Variants in GALNT13 observed in about 807,000 individuals in gnomAD.
The protein encoded by GALNT13 is polypeptide N-acetylgalactosaminyltransferase 13, also known as UDP-GalNAc:polypeptide N-acetylgalactosaminyltransferase 13.
A neutral mutation model predicts 64.2 loss-of-function variants in GALNT13; 28 were observed. The ratio of observed to expected loss-of-function variants is 0.44; its 90% CI spans 0.32 to 0.60. GALNT13 has a LOEUF of 0.60. GALNT13 is among the 20% of genes least tolerant of loss of function. GALNT13 has a pLI of 0.05. For missense variants in GALNT13, 577 were observed against 669.8 expected, an observed-to-expected ratio of 0.86 and a Z score of 1.53; for synonymous variants, 214 against 224.6, an observed-to-expected ratio of 0.95 and a Z score of 0.42.
the GALNT13 span, among the ~76,000 whole-genome samples, chr2:153,139,229 C>T: frequency 6.6e-6 from 1 of 152,022 alleles, no homozygotes; most frequent in Non-Finnish European, 1.5e-5. Flanking sequence ...CTGTTAGCCC[C>T]TAGAATATAA....
chr2:154,247,973 A>G (rs1689869348), intron 7 of GALNT13, among the ~76,000 whole-genome samples: 1 of 152,126 alleles, frequency 6.6e-6, no homozygotes, highest in Non-Finnish European at 1.5e-5. Context: ...CTATTGCTTG[A>G]AGATGTGATC....
chr2:154,142,965 A>C (rs1366222655), intron 4 of GALNT13, among the ~76,000 whole-genome samples: 2 of 152,254 alleles, frequency 1.3e-5, no homozygotes, highest in Non-Finnish European at 2.9e-5. Flanking sequence ...CTAAGTTTAT[A>C]ATGTTTAAAC....
At chr2:153,973,862 T>C (rs1209343480) in intron 3 of GALNT13, among the ~76,000 whole-genome samples, 2 of 152,036 alleles carry the variant, frequency 1.3e-5, no homozygotes, top group Non-Finnish European at 2.9e-5. Flanking sequence ...GATCTTGTCT[T>C]ACCAAGTGAA....
At chr2:153,644,905 T>C in the GALNT13 span, among the ~76,000 whole-genome samples, 2 of 152,162 alleles carry the variant, frequency 1.3e-5, no homozygotes, top group Non-Finnish European at 2.9e-5. Flanking sequence ...AATATGTCTA[T>C]GGGACAAAAT....
At chr2:154,197,165 G>A (rs1462875297) in intron 4 of GALNT13, among the ~76,000 whole-genome samples, 1 of 151,842 alleles carries the variant, frequency 6.6e-6, no homozygotes, top group African/African-American at 2.4e-5. Flanking sequence ...GCGGTGAGCC[G>A]AGATCACGTC....
At chr2:153,620,719 A>C in the GALNT13 span, among the ~76,000 whole-genome samples, 45 of 152,080 alleles carry the variant, frequency 3.0e-4, 1 homozygote, top group Admixed American at 3.0e-3. Flanking sequence ...TTTAAATTCT[A>C]TGAAAAGTCC....
chr2:153,637,298 G>T, the GALNT13 span, among the ~76,000 whole-genome samples: 4 of 152,102 alleles, frequency 2.6e-5, no homozygotes, highest in African/African-American at 9.7e-5. Context: ...CTGGAAGGAA[G>T]CAAAAGATAC....
intron 1 of GALNT13, among the ~76,000 whole-genome samples, chr2:153,891,735 T>C (rs1297958236): frequency 6.6e-6 from 1 of 152,130 alleles, no homozygotes; most frequent in Non-Finnish European, 1.5e-5. Flanking sequence ...AATGAGCATG[T>C]AACTCCTGGG....
intron 8 of GALNT13, among the ~76,000 whole-genome samples, chr2:154,300,404 GA>G (rs1296403480): frequency 2.0e-5 from 3 of 151,968 alleles, no homozygotes; most frequent in Non-Finnish European, 4.4e-5. Context: ...CACCTGGCCA[GA>G]AATGGCCAGA....
At chr2:153,196,354 G>A in the GALNT13 span, among the ~76,000 whole-genome samples, 1 of 152,168 alleles carries the variant, frequency 6.6e-6, no homozygotes, top group Non-Finnish European at 1.5e-5. Context: ...TCTAGAGGGG[G>A]CCAAGGTGGC....
chr2:153,613,334 T>C, the GALNT13 span, among the ~76,000 whole-genome samples: 1 of 152,198 alleles, frequency 6.6e-6, no homozygotes, highest in Admixed American at 6.6e-5. Flanking sequence ...TAGACACTTT[T>C]GCTGTAAGTT....
chr2:153,801,725 A>G, the GALNT13 span, among the ~76,000 whole-genome samples: 1 of 152,176 alleles, frequency 6.6e-6, no homozygotes. Flanking sequence ...CATTGTTGGA[A>G]AATTGGTGCC....
the GALNT13 span, among the ~76,000 whole-genome samples, chr2:153,774,874 C>A: frequency 6.6e-6 from 1 of 152,140 alleles, no homozygotes; most frequent in African/African-American, 2.4e-5. Context: ...TATGCCACTG[C>A]GCTCCAACCT....
In GALNT13 at chr2:154,241,749, T is replaced by G. The variant is rs542353007; in HGVS notation, c.312-281T>G. On this transcript the variant is annotated intron_variant, in intron 4 of 12. Coordinates refer to ENST00000392825, the MANE Select transcript of GALNT13 (RefSeq NM_052917.4). Reference sequence around the variant, plus strand: ...TGTTTTACCAGTTTCAGAATGTTATTTTATATTTCTTAGGTTTTTCTTAGA... The same window carrying G: ...TGTTTTACCAGTTTCAGAATGTTATGTTATATTTCTTAGGTTTTTCTTAGA... Among the ~76,000 whole-genome samples, 10 of 152,310 alleles carry G rather than the reference T, an allele frequency of 6.6e-5. No homozygotes were observed. In the South Asian group the frequency reaches 2.1e-3, roughly 32 times the overall value.
At chr2:154,190,253 A>G (rs993572430) in intron 4 of GALNT13, among the ~76,000 whole-genome samples, 2 of 152,190 alleles carry the variant, frequency 1.3e-5, no homozygotes, top group African/African-American at 4.8e-5. Context: ...CTTGATGTCT[A>G]CTGTGATTAC....
the GALNT13 span, among the ~76,000 whole-genome samples, chr2:153,508,188 C>T: frequency 6.6e-6 from 1 of 152,126 alleles, no homozygotes; most frequent in Admixed American, 6.5e-5. Context: ...CACATCAGCT[C>T]TTATAGGGAG....
the GALNT13 span, among the ~76,000 whole-genome samples, chr2:153,718,032 A>C: frequency 6.6e-6 from 1 of 152,206 alleles, no homozygotes; most frequent in Non-Finnish European, 1.5e-5. Flanking sequence ...GAATCATTTG[A>C]AAATTCTGAG....
At chr2:153,489,683 C>T in the GALNT13 span, among the ~76,000 whole-genome samples, 7 of 152,110 alleles carry the variant, frequency 4.6e-5, no homozygotes, top group African/African-American at 1.7e-4. Flanking sequence ...GGCAACCCAC[C>T]ATTTTGGAGA....
At chr2:154,138,960 T>C (rs1257275921) in intron 3 of GALNT13, among the ~76,000 whole-genome samples, 1 of 152,158 alleles carries the variant, frequency 6.6e-6, no homozygotes, top group African/African-American at 2.4e-5. Flanking sequence ...TTGTAAACTT[T>C]ATTTTGATGA....
Sources: gnomAD v4.1 joint callset for allele counts (sites outside exome capture counted in the v4.1 genomes callset) on GRCh38, gnomAD v4.1.1 for gene constraint, MANE v1.5 for transcripts, NCBI Gene and HGNC (gene_info 2026-07-23, HGNC 2026-07-21) for gene names.